GTPBP1: variants seen among roughly 807,000 people sequenced by gnomAD.
The protein encoded by GTPBP1 is GTP-binding protein 1.
In GTPBP1, 23 loss-of-function variants were observed where a neutral mutation model predicts 62.0. The observed-to-expected ratio is 0.37, with a 90% CI of 0.27 to 0.53. The LOEUF (loss-of-function observed/expected upper bound fraction) is 0.53. GTPBP1 is among the 20% of genes least tolerant of loss of function. GTPBP1 has a pLI of 0.89. For missense variants in GTPBP1, 640 were observed against 917.3 expected (o/e 0.70, Z 3.90); for synonymous variants, 344 against 364.4 (o/e 0.94, Z 0.64).
At chr22:38,736,023 TC>T (rs1348722644), downstream of GTPBP1, 1 of 539,816 alleles carries the variant, frequency 1.9e-6, no homozygotes, top group Admixed American at 3.2e-5. Flanking sequence ...ATATACACAC[TC>T]CCAGGATGGG....
rs1427461938 is a variant in GTPBP1 at position 38,732,985 on chromosome 22, C to G, written c.*2281C>G. 1 of 152,318 alleles carries G rather than the reference C, an allele frequency of 6.6e-6. No homozygotes were observed. The highest frequency in any genetic ancestry group is 1.5e-5 in the Non-Finnish European group (1 of 68,110). 9.4% of individuals were successfully genotyped at this position (152,318 alleles called of 1,614,324 possible). On this transcript the variant is annotated 3_prime_UTR_variant, in exon 12 of 12. Coordinates refer to ENST00000216044, the MANE Select transcript of GTPBP1 (RefSeq NM_004286.5). ...CTGGGATTACAGGTATGAGCCACCGCACCGGGCCTGTTCTATTTTTCTAGT... is the reference window on the plus strand; with the variant it reads ...CTGGGATTACAGGTATGAGCCACCGGACCGGGCCTGTTCTATTTTTCTAGT...
In GTPBP1 at chr22:38,716,520, AG is replaced by A; in HGVS notation, c.486-130del. ...CTTCCCACTGTGCTCCTCCGGCTCAAGGAGGAGCTGTGAGCCGGAGGGGATC... is the reference window on the plus strand; with the variant it reads ...CTTCCCACTGTGCTCCTCCGGCTCAAGAGGAGCTGTGAGCCGGAGGGGATC... On this transcript the variant is annotated intron_variant, in intron 3 of 11. Coordinates refer to ENST00000216044, the MANE Select transcript of GTPBP1 (RefSeq NM_004286.5). The surrounding 1 kb of genome is among the most constrained non-coding windows in gnomAD (Gnocchi z 5.2). 1 of 668,686 alleles carries A rather than the reference AG, an allele frequency of 1.5e-6. No homozygotes were observed. Among genetic ancestry groups the A allele is most frequent in the South Asian group, 1.8e-5 (1 of 54,844 alleles). The allele number at this position is 668,686 out of a possible 1,614,324, so 41.4% of individuals were successfully genotyped here. A position where few individuals can be genotyped will look rare whatever the true frequency, so the allele number is the denominator to read the frequency against.
chr22:38,741,058 G>A (rs1328174549), downstream of GTPBP1: 1 of 1,594,648 alleles, frequency 6.3e-7, no homozygotes, highest in Non-Finnish European at 8.5e-7. Context: ...CTCCTGTGTA[G>A]GAAGAAGGGA....
rs372698209 is a variant in GTPBP1, at chr22:38,730,617, G to C, written c.1923G>C (p.Lys641Asn). The C allele has an allele frequency of 2.5e-6, 4 of 1,602,326 alleles. No homozygotes were observed. The change falls in exon 12 of 12, where the codon AAG becomes AAC. Residue 641 changes from lysine (K) to asparagine (N), a missense_variant. Coordinates refer to ENST00000216044, the MANE Select transcript of GTPBP1 (RefSeq NM_004286.5). The surrounding 1 kb of genome is among the most constrained non-coding windows in gnomAD (Gnocchi z 5.6). ...AASSNLQPQPKPSSGGRRRGG... is the reference protein window; with the variant it reads ...AASSNLQPQPNPSSGGRRRGG... The stretch of plus-strand genomic sequence containing the variant: ...GCTCCTTCTCTCTCTTTCAGCCTAA[G>C]CCCAGCAGTGGAGGCCGGCGACGAG...
downstream of GTPBP1, chr22:38,740,538 G>A: frequency 7.8e-7 from 1 of 1,278,476 alleles, no homozygotes; most frequent in African/African-American, 1.5e-5. The surrounding 1 kb of genome is among the most constrained non-coding windows in gnomAD (Gnocchi z 4.8). Flanking sequence ...AGGAGAGCGG[G>A]TGCCCAGCAC....
chr22:38,738,661 T>A, downstream of GTPBP1: 1 of 1,613,954 alleles, frequency 6.2e-7, no homozygotes, highest in South Asian at 1.1e-5. The surrounding 1 kb of genome is among the most constrained non-coding windows in gnomAD (Gnocchi z 6.6). Flanking sequence ...TGCTCTAAGG[T>A]AACGGCTGTG....
At position 38,727,751 on chromosome 22, in the gene GTPBP1, G is replaced by C. The variant is rs1032201308; in HGVS notation, c.1538-232G>C. Among the ~76,000 whole-genome samples, 1 of 152,192 alleles carries C rather than the reference G, an allele frequency of 6.6e-6. No homozygotes were observed. The highest frequency in any genetic ancestry group is 2.4e-5 in the African/African-American group (1 of 41,450). On this transcript the variant is annotated intron_variant, in intron 9 of 11. Coordinates refer to ENST00000216044, the MANE Select transcript of GTPBP1 (RefSeq NM_004286.5). This position sits in a 1 kb window ranked among gnomAD's most constrained non-coding sequence, Gnocchi z 6.5. ...ATCCCAGGAACTGGGACCCTTGTCT[G>C]CCCAGGGCCTGGGGGTGGGGGATGA...
chr22:38,706,240 C>T (rs2092603553), intron 1 of GTPBP1, 93 bp downstream of exon 1: 1 of 792,008 alleles, frequency 1.3e-6, no homozygotes, highest in Non-Finnish European at 1.7e-6. Context: ...CCGCCCTGTC[C>T]GCGGGGAGCG....
intron 1 of GTPBP1, among the ~76,000 whole-genome samples, chr22:38,707,699 T>G (rs2092613357): frequency 1.3e-5 from 2 of 152,252 alleles, no homozygotes; most frequent in South Asian, 2.1e-4. Context: ...CGGTAGTACC[T>G]TCATTTCTTG....
Position 38,716,812 on chromosome 22 carries a change from C to G in GTPBP1, c.646C>G (p.Leu216Val). 1 of 1,614,202 alleles carries G rather than the reference C, an allele frequency of 6.2e-7. No individual in the cohort carries two copies. Among genetic ancestry groups the G allele is most frequent in the Non-Finnish European group, 8.5e-7 (1 of 1,180,022 alleles). Residue 216 changes from leucine to valine, a missense_variant, in exon 4 of 12, where the codon CTG (leucine) becomes GTG (valine). Transcript: ENST00000216044. This position sits in a 1 kb window ranked among gnomAD's most constrained non-coding sequence, Gnocchi z 5.2. Reference protein sequence around the residue: ...GRTSSVGNDILGFDSEGNVVN... With the variant: ...GRTSSVGNDIVGFDSEGNVVN... Reference sequence around the variant, plus strand: ...CACCAGCAGTGTGGGCAACGACATTCTGGGCTTTGACAGTGAAGGCAATGT... The same window carrying G: ...CACCAGCAGTGTGGGCAACGACATTGTGGGCTTTGACAGTGAAGGCAATGT...
chr22:38,740,171 C>T (rs1245759909), downstream of GTPBP1: 1 of 1,411,606 alleles, frequency 7.1e-7, no homozygotes, highest in East Asian at 2.5e-5. The surrounding 1 kb of genome is among the most constrained non-coding windows in gnomAD (Gnocchi z 4.8). Context: ...ATAACAGAGG[C>T]TGCAGGGGCA....
Position 38,730,064 on chromosome 22 carries a change from TC to T in GTPBP1, c.1917+405del, listed in dbSNP as rs2092748750. On this transcript the variant is annotated intron_variant, in intron 11 of 11. Transcript: ENST00000216044. The surrounding 1 kb of genome is among the most constrained non-coding windows in gnomAD (Gnocchi z 5.6). Reference sequence around the variant, plus strand: ...CCTTAGAGGGTCCTCCTCTGTCCCCTCCCTGACGTGCACACATCCTGAAGGG... The same window carrying T: ...CCTTAGAGGGTCCTCCTCTGTCCCCTCCTGACGTGCACACATCCTGAAGGG... Among the ~76,000 whole-genome samples the T allele has an allele frequency of 6.6e-6, 1 of 152,156 alleles. No homozygotes were observed. The highest frequency in any genetic ancestry group is 1.5e-5 in the Non-Finnish European group (1 of 68,024).
At chr22:38,708,447 T>C (rs2092618944) in intron 1 of GTPBP1, among the ~76,000 whole-genome samples, 2 of 152,182 alleles carry the variant, frequency 1.3e-5, no homozygotes, top group Non-Finnish European at 2.9e-5. Flanking sequence ...TGGAGGTATA[T>C]GAGGTATATG....
chr22:38,739,111 C>T (rs1054817293), downstream of GTPBP1: 48 of 1,054,372 alleles, frequency 4.6e-5, no homozygotes, highest in Middle Eastern at 5.7e-4. The surrounding 1 kb of genome is among the most constrained non-coding windows in gnomAD (Gnocchi z 6.7). Flanking sequence ...TAACCCTAAC[C>T]GAGATGCTCA....
chr22:38,716,410 C>T lies in GTPBP1; in HGVS notation c.486-242C>T, dbSNP rs2092670797. On this transcript the variant is annotated intron_variant, in intron 3 of 11. Coordinates refer to ENST00000216044, the MANE Select transcript of GTPBP1 (RefSeq NM_004286.5). The surrounding 1 kb of genome is among the most constrained non-coding windows in gnomAD (Gnocchi z 5.2). ...AGCCTTGCGGCTCTTCCTGGCAGCA[C>T]CCAGAAGCTAGTGGGAGTTAAGGGA... Among the ~76,000 whole-genome samples, 1 of 152,166 alleles carries T rather than the reference C, an allele frequency of 6.6e-6. No homozygotes were observed. Among genetic ancestry groups the T allele is most frequent in the African/African-American group, 2.4e-5 (1 of 41,420 alleles).
intron 2 of GTPBP1, among the ~76,000 whole-genome samples, chr22:38,715,014 C>T (rs1195036141): frequency 6.6e-6 from 1 of 152,164 alleles, no homozygotes; most frequent in Non-Finnish European, 1.5e-5. Context: ...TCACCTGAGC[C>T]ACCTCAGTTA....
At chr22:38,707,917 A>C (rs2092615100) in intron 1 of GTPBP1, among the ~76,000 whole-genome samples, 1 of 152,210 alleles carries the variant, frequency 6.6e-6, no homozygotes, top group South Asian at 2.1e-4. Context: ...ACGATAGAAA[A>C]TGTGGAGACC....
rs397836314 is a variant in GTPBP1, at chr22:38,731,010, T to TTGTGTGTGTGTGTGTGTGTGTG, written c.*325_*346dup. 12 of 183,764 alleles carry TTGTGTGTGTGTGTGTGTGTGTG rather than the reference T, an allele frequency of 6.5e-5. No homozygotes were observed. The highest frequency in any genetic ancestry group is 1.7e-4 in the South Asian group (2 of 11,726). 11.4% of individuals were successfully genotyped at this position (183,764 alleles called of 1,614,324 possible). On this transcript the variant is annotated 3_prime_UTR_variant, in exon 12 of 12. Coordinates refer to ENST00000216044, the MANE Select transcript of GTPBP1 (RefSeq NM_004286.5). ...TATTATATGTCTCTGTCTCTCTCTA[T>TTGTGTGTGTGTGTGTGTGTGTG]TGTGTGTGTGTGTGTGTGTGTGTGT...
intron 1 of GTPBP1, 62 bp from the exon 2 acceptor site, chr22:38,708,783 C>T: frequency 1.1e-6 from 1 of 916,348 alleles, no homozygotes; most frequent in Middle Eastern, 2.1e-4. Context: ...CTATATTGAT[C>T]AGCTTTGGCT....
Sources: gnomAD v4.1 joint callset for allele counts (sites outside exome capture counted in the v4.1 genomes callset) on GRCh38, gnomAD v4.1.1 for gene constraint, Gnocchi (gnomAD v3.1) non-coding constraint, MANE v1.5 for transcripts, NCBI Gene and HGNC (gene_info 2026-07-23, HGNC 2026-07-21) for gene names.